CNOT7: variants seen among roughly 807,000 people sequenced by gnomAD.
CNOT7 encodes the protein CCR4-NOT transcription complex subunit 7.
Under a neutral mutation model 37.1 loss-of-function variants are expected in CNOT7, and 4 were observed. The ratio of observed to expected loss-of-function variants is 0.11; its 90% confidence interval spans 0.05 to 0.25. The LOEUF is 0.25. Among genes scored for constraint, CNOT7 ranks in the 10% least tolerant of loss-of-function variants. The pLI is 1.00. For missense variants in CNOT7, 170 were observed against 336.2 expected (o/e 0.51, Z 3.87); for synonymous variants, 128 against 115.6 (o/e 1.11, Z -0.69).
At position 17,242,968 on chromosome 8, in the gene CNOT7, G is replaced by T. The variant is rs202175036; in HGVS notation, c.311+24C>A. 128 of 1,529,818 alleles carry T rather than the reference G, an allele frequency of 8.4e-5. No homozygotes were observed. The East Asian group carries it at 2.8e-3, about 34-fold the overall frequency. 94.8% of individuals were successfully genotyped at this position (1,529,818 alleles called of 1,614,324 possible). A position where few individuals can be genotyped will look rare whatever the true frequency, so the allele number is the denominator to read the frequency against. The stretch of plus-strand genomic sequence containing the variant: ...TAAAGAAAAAAAAAAAAAAGTCTGG[G>T]TTATACAGTTATTTCCCACTTACGT... On this transcript the variant is annotated intron_variant, in intron 3 of 6. Coordinates refer to ENST00000361272, the MANE Select transcript of CNOT7 (RefSeq NM_013354.7).
At position 17,230,622 on chromosome 8, in the gene CNOT7, G is replaced by C. The variant is rs1203261807; in HGVS notation, c.*98C>G. ...ATAAAATGGGCCATGAAAGGGGGGG[G>C]AAAGGTACTGTCTATTGTTCGAGGG... On this transcript the variant is annotated 3_prime_UTR_variant, in exon 7 of 7. Transcript: ENST00000361272. 2 of 1,008,770 alleles carry C rather than the reference G, an allele frequency of 2.0e-6. No individual in the cohort carries two copies. The highest frequency in any genetic ancestry group is 5.5e-5 in the East Asian group (2 of 36,410). The allele number at this position is 1,008,770 out of a possible 1,614,324, so 62.5% of individuals were successfully genotyped here.
At chr8:17,233,593 T>G (rs138811336) in intron 5 of CNOT7, among the ~76,000 whole-genome samples, 1 of 152,048 alleles carries the variant, frequency 6.6e-6, no homozygotes, top group Admixed American at 6.5e-5. Context: ...TATACAGACA[T>G]GTCAATTAAA....
rs530978591 is a variant in CNOT7, at chr8:17,225,574, A to C, written c.*5146T>G. The C allele has an allele frequency of 1.1e-4, 16 of 151,854 alleles. No individual in the cohort carries two copies. The highest frequency in any genetic ancestry group is 3.6e-4 in the African/African-American group (15 of 41,532). 9.4% of individuals were successfully genotyped at this position (151,854 alleles called of 1,614,324 possible). ...AGAAAACTGTTTAAAACAAATGGAA[A>C]TTGTCTAGTGATAATGTACATGAAT... On this transcript the variant is annotated 3_prime_UTR_variant, in exon 7 of 7. Transcript: ENST00000361272.
intron 3 of CNOT7, chr8:17,237,673 G>T: frequency 4.2e-6 from 1 of 237,518 alleles, no homozygotes; most frequent in Non-Finnish European, 8.3e-6. Context: ...TTGGAAAAGG[G>T]TCTCCTATTC....
intron 3 of CNOT7, among the ~76,000 whole-genome samples, chr8:17,239,219 A>T (rs1434616207): frequency 6.6e-6 from 1 of 151,952 alleles, no homozygotes; most frequent in African/African-American, 2.4e-5. Flanking sequence ...TGCCTGGCTA[A>T]TTTTTCTATT....
chr8:17,246,353 CTG>C (rs1281054549), intron 1 of CNOT7: 2 of 152,372 alleles, frequency 1.3e-5, no homozygotes, highest in African/African-American at 4.8e-5. Context: ...ATAACACTGA[CTG>C]GAGCTACACT....
In CNOT7 at chr8:17,228,115, G is replaced by A. The variant is rs951889303; in HGVS notation, c.*2605C>T. The A allele has an allele frequency of 1.3e-5, 2 of 151,838 alleles. No individual in the cohort carries two copies. Among genetic ancestry groups the A allele is most frequent in the African/African-American group, 2.4e-5 (1 of 41,410 alleles). The allele number at this position is 151,838 out of a possible 1,614,324, so 9.4% of individuals were successfully genotyped here. ...AATTTCATGTAATTTTCAGATGTCAGGAAATAATCTTTTGATTATTTTTCC... is the reference window on the plus strand; with the variant it reads ...AATTTCATGTAATTTTCAGATGTCAAGAAATAATCTTTTGATTATTTTTCC... On this transcript the variant is annotated 3_prime_UTR_variant, in exon 7 of 7. Coordinates refer to ENST00000361272, the MANE Select transcript of CNOT7 (RefSeq NM_013354.7).
chr8:17,233,729 A>T (rs2150975420), intron 5 of CNOT7, among the ~76,000 whole-genome samples: 1 of 152,300 alleles, frequency 6.6e-6, no homozygotes, highest in Non-Finnish European at 1.5e-5. Context: ...ATTACACAGA[A>T]GTCTACTGCT....
chr8:17,238,036 TA>T (rs1278323753), intron 3 of CNOT7, among the ~76,000 whole-genome samples: 1 of 152,230 alleles, frequency 6.6e-6, no homozygotes, highest in Non-Finnish European at 1.5e-5. Context: ...AATCTAAATA[TA>T]AACCAATTCT....
At chr8:17,236,220 C>T (rs917990614) in intron 4 of CNOT7, among the ~76,000 whole-genome samples, 1 of 152,096 alleles carries the variant, frequency 6.6e-6, no homozygotes, top group Non-Finnish European at 1.5e-5. Context: ...ATAAACATCC[C>T]ACAGATCAGA....
At position 17,227,432 on chromosome 8, in the gene CNOT7, A is replaced by G. The variant is rs1808234612; in HGVS notation, c.*3288T>C. 1 of 151,886 alleles carries G rather than the reference A, an allele frequency of 6.6e-6. No homozygotes were observed. Among genetic ancestry groups the G allele is most frequent in the Non-Finnish European group, 1.5e-5 (1 of 67,800 alleles). 9.4% of individuals were successfully genotyped at this position (151,886 alleles called of 1,614,324 possible). On this transcript the variant is annotated 3_prime_UTR_variant, in exon 7 of 7. Transcript: ENST00000361272. ...ATTTGATGTTGTGTCCAAAATCCTC[A>G]TTCTTCAAACTACTGTTCTCATCAA...
chr8:17,243,114 T>C lies in CNOT7; in HGVS notation c.189A>G (p.Gln63=), dbSNP rs766485332. 1.9e-5 allele frequency: 30 copies of C among 1,611,372 alleles called. No individual in the cohort carries two copies. In the Middle Eastern group the frequency reaches 6.6e-4, roughly 35 times the overall value. The change falls in exon 3 of 7, where the codon CAA becomes CAG. Residue 63 remains glutamine, a synonymous_variant. Coordinates refer to ENST00000361272, the MANE Select transcript of CNOT7 (RefSeq NM_013354.7). ...EFRSNADYQY[Q]LLRCNVDLLK... is the part of the protein sequence containing the mutation. Reference sequence around the variant, plus strand: ...ACAAGTCTACATTACACCGCAATAGTTGGTATTGATAGTCAGCATTGCTCC... The same window carrying C: ...ACAAGTCTACATTACACCGCAATAGCTGGTATTGATAGTCAGCATTGCTCC...
chr8:17,225,813 G>A lies in CNOT7; in HGVS notation c.*4907C>T, dbSNP rs1275858180. 1.3e-5 allele frequency: 2 copies of A among 151,562 alleles called. No individual in the cohort carries two copies. The highest frequency in any genetic ancestry group is 3.0e-5 in the Non-Finnish European group (2 of 67,674). The allele number at this position is 151,562 out of a possible 1,614,324, so 9.4% of individuals were successfully genotyped here. A position where few individuals can be genotyped will look rare whatever the true frequency, so the allele number is the denominator to read the frequency against. On this transcript the variant is annotated 3_prime_UTR_variant, in exon 7 of 7. Transcript: ENST00000361272. ...TGTGTGAACTGGCCTTCACTACAAA[G>A]CACCGACACACAGAATAATCAGCAT... is the stretch of plus-strand genomic sequence containing the variant.
chr8:17,234,521 C>T, intron 5 of CNOT7, 195 bp downstream of exon 5: 1 of 568,680 alleles, frequency 1.8e-6, no homozygotes, highest in Non-Finnish European at 3.1e-6. Flanking sequence ...TCTGCCAAGA[C>T]ATACTGAAGC....
rs1808389324 is a variant in CNOT7, at chr8:17,229,644, G to A, written c.*1076C>T. ...TTTTATCAGCTATATATATATATATGAGAATATATATATATTTTGTTGTTT... is the reference window on the plus strand; with the variant it reads ...TTTTATCAGCTATATATATATATATAAGAATATATATATATTTTGTTGTTT... On this transcript the variant is annotated 3_prime_UTR_variant, in exon 7 of 7. Transcript: ENST00000361272. The A allele has an allele frequency of 6.6e-6, 1 of 150,906 alleles. No homozygotes were observed. The highest frequency in any genetic ancestry group is 1.5e-5 in the Non-Finnish European group (1 of 67,544). 9.3% of individuals were successfully genotyped at this position (150,906 alleles called of 1,614,324 possible). A position where few individuals can be genotyped will look rare whatever the true frequency, so the allele number is the denominator to read the frequency against.
chr8:17,233,812 A>G (rs1473386657), intron 5 of CNOT7, among the ~76,000 whole-genome samples: 1 of 152,168 alleles, frequency 6.6e-6, no homozygotes, highest in African/African-American at 2.4e-5. Context: ...AAAGGTAAAC[A>G]CTGGCCAAAA....
intron 1 of CNOT7, 122 bp from the exon 2 acceptor site, chr8:17,245,369 T>A: frequency 2.4e-6 from 1 of 422,458 alleles, no homozygotes; most frequent in Non-Finnish European, 4.0e-6. Flanking sequence ...AAAAAAAAAA[T>A]CAAAGTTTAG....
At chr8:17,238,735 A>C (rs1264146367) in intron 3 of CNOT7, among the ~76,000 whole-genome samples, 1 of 152,186 alleles carries the variant, frequency 6.6e-6, no homozygotes, top group Non-Finnish European at 1.5e-5. Context: ...TTTTCTCTTA[A>C]GTTTCCAATA....
intron 2 of CNOT7, 32 bp from the exon 3 acceptor site, chr8:17,243,217 T>C: frequency 2.0e-6 from 3 of 1,524,452 alleles, no homozygotes; most frequent in Non-Finnish European, 2.7e-6. Context: ...CATTATGTAC[T>C]AAACAGTCAA....
Sources: gnomAD v4.1 joint callset for allele counts (sites outside exome capture counted in the v4.1 genomes callset) on GRCh38, gnomAD v4.1.1 for gene constraint, MANE v1.5 for transcripts, NCBI Gene and HGNC (gene_info 2026-07-23, HGNC 2026-07-21) for gene names.